ABCG5: variants seen among roughly 807,000 people sequenced by gnomAD.
The protein encoded by ABCG5 is ATP binding cassette subfamily G member 5, also known as ATP-binding cassette sub-family G member 5.
A neutral mutation model predicts 64.5 loss-of-function variants in ABCG5; 64 were observed. The observed-to-expected ratio is 0.99, with a 90% CI of 0.81 to 1.22. The LOEUF (loss-of-function observed/expected upper bound fraction) is 1.22. ABCG5 is among the 50% of genes most tolerant of loss of function. The pLI, the probability that ABCG5 is intolerant of heterozygous loss-of-function variation, is 0.00. For missense variants in ABCG5, 908 were observed against 829.5 expected (o/e 1.09, Z -1.16); for synonymous variants, 385 against 326.3 (o/e 1.18, Z -1.94).
downstream of ABCG5, chr2:43,809,656 G>C (rs1325650190): frequency 1.4e-6 from 2 of 1,403,610 alleles, no homozygotes; most frequent in South Asian, 1.2e-5. Flanking sequence ...GTGCCTCCTT[G>C]AATTAGTAAA....
At chr2:43,835,696 G>C (rs887260680) in intron 2 of ABCG5, among the ~76,000 whole-genome samples, 1 of 152,114 alleles carries the variant, frequency 6.6e-6, no homozygotes, top group Non-Finnish European at 1.5e-5. Flanking sequence ...GTTATGGAGA[G>C]CTCTTACAAT....
Position 43,826,622 on chromosome 2 carries a change from A to G in ABCG5, c.635-101T>C, listed in dbSNP as rs377009520. On this transcript the variant is annotated intron_variant, in intron 5 of 12. Transcript: ENST00000405322. ...CTGTTCCTTATTGAGTTTGTACCCC[A>G]TTCAAACAGTGTGCGGTGGGAAGTA... is the stretch of plus-strand genomic sequence containing the variant. The G allele has an allele frequency of 1.1e-3, 1,759 of 1,553,604 alleles. 31 individuals carry two copies. In the South Asian group the frequency reaches 0.018, roughly 16 times the overall value.
In ABCG5 at chr2:43,838,411, CG is replaced by C. The variant is rs1242393686; in HGVS notation, c.143+125del. ...CCCTTCTCCCTCTCCTCTCTCCACC[CG>C]ATCCACTAAAGAGGGAGCCCGAAGT... is the stretch of plus-strand genomic sequence containing the variant. On this transcript the variant is annotated intron_variant, in intron 1 of 12. Coordinates refer to ENST00000405322, the MANE Select transcript of ABCG5 (RefSeq NM_022436.3). This position sits in a 1 kb window ranked among gnomAD's most constrained non-coding sequence, Gnocchi z 4.2. The C allele has an allele frequency of 1.9e-5, 17 of 892,578 alleles. No individual in the cohort carries two copies. Among genetic ancestry groups the C allele is most frequent in the Non-Finnish European group, 2.9e-5 (17 of 583,318 alleles). The allele number at this position is 892,578 out of a possible 1,614,324, so 55.3% of individuals were successfully genotyped here.
chr2:43,826,807 C>T (rs1247620237), intron 5 of ABCG5, among the ~76,000 whole-genome samples: 16 of 152,110 alleles, frequency 1.1e-4, no homozygotes, highest in Non-Finnish European at 2.9e-5. Context: ...CTCAGGGCAC[C>T]CTGTCAGGGA....
chr2:43,813,709 G>GTTTTTTTTT (rs1214033245), intron 12 of ABCG5, among the ~76,000 whole-genome samples: 19 of 34,062 alleles, frequency 5.6e-4, no homozygotes, highest in Admixed American at 1.8e-3. Flanking sequence ...TTTTTTTTTC[G>GTTTTTTTTT]TTTTTTTTTT....
chr2:43,823,127 C>A (rs1031897891), intron 9 of ABCG5, among the ~76,000 whole-genome samples, 192 bp from the exon 10 acceptor site: 2 of 152,122 alleles, frequency 1.3e-5, no homozygotes, highest in African/African-American at 4.8e-5. Flanking sequence ...CTACACTCTA[C>A]CAGAATTGCA....
At chr2:43,809,999 A>T, downstream of ABCG5, 1 of 1,158,950 alleles carries the variant, frequency 8.6e-7, no homozygotes, top group Non-Finnish European at 1.1e-6. Flanking sequence ...ATCTTCTACT[A>T]CCTACCTCTA....
At chr2:43,809,102 C>T (rs1666385157), downstream of ABCG5, among the ~76,000 whole-genome samples, 1 of 151,736 alleles carries the variant, frequency 6.6e-6, no homozygotes, top group Non-Finnish European at 1.5e-5. Context: ...GATCCTCCCA[C>T]CTCAGACTCC....
At chr2:43,818,454 A>G (rs1457547225) in intron 11 of ABCG5, among the ~76,000 whole-genome samples, 2 of 152,216 alleles carry the variant, frequency 1.3e-5, no homozygotes, top group Admixed American at 6.5e-5. Context: ...AAAAAAACAA[A>G]AACAAAAACA....
Position 43,813,301 on chromosome 2 carries a change from T to C in ABCG5, c.1771A>G (p.Asn591Asp), listed in dbSNP as rs201902491. 6.2e-7 allele frequency: 1 copy of C among 1,611,584 alleles called. No individual in the cohort carries two copies. Among genetic ancestry groups the C allele is most frequent in the Non-Finnish European group, 8.5e-7 (1 of 1,178,148 alleles). Residue 591 changes from asparagine to aspartate, a missense_variant, in exon 13 of 13, where the codon AAT (asparagine) becomes GAT (aspartate). Asn to Asp is a conservative substitution (Grantham distance 23). Transcript: ENST00000405322. ...YGLNFTCGSS[N>D]VSVTTNPMCA... ...ATTGGATTAGTTGTCACAGAAACAT[T>C]TGAGCTGCCTGTCAAGGAAAAGATT...
intron 2 of ABCG5, among the ~76,000 whole-genome samples, chr2:43,837,120 C>CTT (rs113990483): frequency 2.3e-5 from 3 of 131,352 alleles, no homozygotes; most frequent in African/African-American, 2.9e-5. Flanking sequence ...ATTCTCCAGT[C>CTT]TTTTTTTTTT....
chr2:43,811,851 C>T (rs976437345), downstream of ABCG5, among the ~76,000 whole-genome samples: 2 of 152,170 alleles, frequency 1.3e-5, no homozygotes, highest in Non-Finnish European at 2.9e-5. Context: ...GCCTCGGCCT[C>T]CCAAAGTGCT....
rs1334584829 is a variant in ABCG5, at chr2:43,812,537, A to C, written c.*579T>G. 1 of 154,136 alleles carries C rather than the reference A, an allele frequency of 6.5e-6. No homozygotes were observed. The highest frequency in any genetic ancestry group is 2.4e-5 in the African/African-American group (1 of 41,418). The allele number at this position is 154,136 out of a possible 1,614,324, so 9.5% of individuals were successfully genotyped here. ...TCAGTAAAATCACTGGGTGCTCTGTAGCAGTGGTGCTCACCATCCATCTGC... is the reference window on the plus strand; with the variant it reads ...TCAGTAAAATCACTGGGTGCTCTGTCGCAGTGGTGCTCACCATCCATCTGC... On this transcript the variant is annotated 3_prime_UTR_variant, in exon 13 of 13. Coordinates refer to ENST00000405322, the MANE Select transcript of ABCG5 (RefSeq NM_022436.3).
chr2:43,831,652 A>G, intron 4 of ABCG5, 117 bp downstream of exon 4: 10 of 1,051,772 alleles, frequency 9.5e-6, no homozygotes, highest in Non-Finnish European at 1.4e-5. Flanking sequence ...GGCGCGCTCT[A>G]GAGTGAAGGA....
chr2:43,833,865 G>C (rs546506666), intron 2 of ABCG5, among the ~76,000 whole-genome samples: 1 of 151,676 alleles, frequency 6.6e-6, no homozygotes, highest in African/African-American at 2.4e-5. Flanking sequence ...TTGTATTTTT[G>C]TAGAGACGGG....
upstream of ABCG5, chr2:43,838,933 G>A (rs913853612): frequency 5.8e-5 from 71 of 1,230,758 alleles, no homozygotes; most frequent in South Asian, 4.3e-4. This position sits in a 1 kb window ranked among gnomAD's most constrained non-coding sequence, Gnocchi z 4.2. Flanking sequence ...TGGGAGAGAC[G>A]GGCCCAGGGC....
chr2:43,826,473 G>T lies in ABCG5; in HGVS notation c.683C>A (p.Ala228Asp). 2 of 1,614,176 alleles carry T rather than the reference G, an allele frequency of 1.2e-6. No individual in the cohort carries two copies. The highest frequency in any genetic ancestry group is 8.5e-7 in the Non-Finnish European group (1 of 1,180,034). Residue 228 changes from alanine (A) to aspartate (D), a missense_variant, in exon 6 of 13, where the codon GCT becomes GAT. Coordinates refer to ENST00000405322, the MANE Select transcript of ABCG5 (RefSeq NM_022436.3). ...CACCAGGAGGACGACAATCTGATTA[G>T]CAGTCATGCAGTCCAGGCCTGTGGT... ...EPTTGLDCMT[A>D]NQIVVLLVEL...
Position 43,837,902 on chromosome 2 carries a change from C to G in ABCG5, c.197G>C (p.Arg66Thr). Residue 66 changes from arginine (R) to threonine (T), a missense_variant, in exon 2 of 13, where the codon AGG becomes ACG. Transcript: ENST00000405322. ...DITSCRQQWT[R>T]QILKDVSLYV... ...CAAGGAGACATCTTTGAGGATCTGC[C>G]TGGTCCACTGCTGCCGGCAAGATGT... 1 of 1,614,164 alleles carries G rather than the reference C, an allele frequency of 6.2e-7. No individual in the cohort carries two copies. Among genetic ancestry groups the G allele is most frequent in the Non-Finnish European group, 8.5e-7 (1 of 1,180,018 alleles).
At chr2:43,825,870 T>G (rs535243935) in intron 6 of ABCG5, among the ~76,000 whole-genome samples, 1 of 152,340 alleles carries the variant, frequency 6.6e-6, no homozygotes, top group Admixed American at 6.5e-5. Flanking sequence ...AAATGAGCTA[T>G]GTACAGAAAG....
Sources: gnomAD v4.1 joint callset for allele counts (sites outside exome capture counted in the v4.1 genomes callset) on GRCh38, gnomAD v4.1.1 for gene constraint, Gnocchi (gnomAD v3.1) non-coding constraint, MANE v1.5 for transcripts, NCBI Gene and HGNC (gene_info 2026-07-23, HGNC 2026-07-21) for gene names.